The following BORCS5 variants were observed in gnomAD, a reference collection of about 807,000 sequenced individuals.
The protein encoded by BORCS5 is BLOC-1 related complex subunit 5.
Under a neutral mutation model 22.1 loss-of-function variants are expected in BORCS5, and 17 were observed. That is an observed-to-expected ratio of 0.77 (90% CI 0.53 to 1.15). The LOEUF is 1.15. BORCS5 is among the 50% of genes most tolerant of loss of function. The pLI is 0.00. For synonymous variants in BORCS5, 117 were observed against 99.8 expected (o/e 1.17, Z -1.03); for missense variants, 247 against 253.2 (o/e 0.98, Z 0.17).
intron 3 of BORCS5, among the ~76,000 whole-genome samples, chr12:12,438,151 T>G (rs538426989): frequency 2.6e-5 from 4 of 151,870 alleles, no homozygotes; most frequent in Non-Finnish European, 5.9e-5. Flanking sequence ...AAAAAGTCCT[T>G]TAAGTTCAAG....
chr12:12,452,666 T>C (rs1942933393), intron 3 of BORCS5, among the ~76,000 whole-genome samples: 2 of 152,210 alleles, frequency 1.3e-5, no homozygotes, highest in Admixed American at 6.5e-5. Flanking sequence ...CTTCAAAGTG[T>C]CCAGAATGTG....
intron 2 of BORCS5, among the ~76,000 whole-genome samples, chr12:12,405,286 G>T (rs1266413649): frequency 3.9e-5 from 6 of 152,160 alleles, no homozygotes; most frequent in Non-Finnish European, 1.5e-5. Flanking sequence ...GAATTAAGAG[G>T]AAAATGATAT....
chr12:12,460,807 A>G (rs1001833239), intron 3 of BORCS5, among the ~76,000 whole-genome samples: 4 of 152,238 alleles, frequency 2.6e-5, no homozygotes, highest in African/African-American at 9.6e-5. Context: ...AGATGTCGAA[A>G]AAGTGTGTCT....
At chr12:12,368,238 C>T (rs1592056278) in intron 2 of BORCS5, among the ~76,000 whole-genome samples, 1 of 151,438 alleles carries the variant, frequency 6.6e-6, no homozygotes, top group South Asian at 2.1e-4. Flanking sequence ...AAACTCCCTT[C>T]CTTTAGTTTA....
intron 3 of BORCS5, among the ~76,000 whole-genome samples, chr12:12,453,849 C>T (rs1942955571): frequency 6.6e-6 from 1 of 152,134 alleles, no homozygotes; most frequent in South Asian, 2.1e-4. Flanking sequence ...CCTCTATTCC[C>T]CTATCCCCTG....
At chr12:12,430,801 C>T (rs1018742425) in intron 2 of BORCS5, among the ~76,000 whole-genome samples, 1 of 152,008 alleles carries the variant, frequency 6.6e-6, no homozygotes, top group South Asian at 2.1e-4. Flanking sequence ...TTACTTGCAC[C>T]CCAACCCCCA....
intron 2 of BORCS5, among the ~76,000 whole-genome samples, chr12:12,426,260 G>T (rs1027672885): frequency 3.3e-5 from 5 of 152,238 alleles, no homozygotes; most frequent in African/African-American, 1.2e-4. Flanking sequence ...AGGAGACAGA[G>T]AATCGTGCTA....
At chr12:12,451,665 C>T (rs1382591494) in intron 3 of BORCS5, among the ~76,000 whole-genome samples, 8 of 152,128 alleles carry the variant, frequency 5.3e-5, no homozygotes, top group Admixed American at 3.3e-4. Context: ...GGGCGGATCA[C>T]GAGGTCAAGA....
At chr12:12,444,095 A>G (rs1942737347) in intron 3 of BORCS5, among the ~76,000 whole-genome samples, 1 of 152,254 alleles carries the variant, frequency 6.6e-6, no homozygotes, top group African/African-American at 2.4e-5. Flanking sequence ...GCCTAGAACA[A>G]TGCCTGGCAT....
In BORCS5 at chr12:12,424,055, GC is replaced by G. The variant is rs537855989; in HGVS notation, c.203-11572del. ...CTGAATCCTGTTTTGAGTTTGTTGA[GC>G]TTCTTGGATGTTTGTATTCATCTCT... On this transcript the variant is annotated intron_variant, in intron 2 of 3. Transcript: ENST00000314565. Among the ~76,000 whole-genome samples, 9 of 152,196 alleles carry G rather than the reference GC, an allele frequency of 5.9e-5. No homozygotes were observed. In the South Asian group the frequency reaches 1.7e-3, roughly 28 times the overall value.
rs1158147416 is a variant in BORCS5 at position 12,414,553 on chromosome 12, C to T, written c.203-21075C>T. Among the ~76,000 whole-genome samples, 504 of 75,882 alleles carry T rather than the reference C, an allele frequency of 6.6e-3. 141 individuals carry two copies. The highest frequency in any genetic ancestry group is 0.043 in the African/African-American group (462 of 10,708). 49.8% of individuals were successfully genotyped at this position (75,882 alleles called of 152,430 possible). A position where few individuals can be genotyped will look rare whatever the true frequency, so the allele number is the denominator to read the frequency against. ...CTCCCAGACTGGGCGGCTGGCCGGG[C>T]GGGGGGCTGACCCCCCCACCTCCCT... On this transcript the variant is annotated intron_variant, in intron 2 of 3. Transcript: ENST00000314565.
chr12:12,408,543 A>G (rs1941643779), intron 2 of BORCS5, among the ~76,000 whole-genome samples: 1 of 152,194 alleles, frequency 6.6e-6, no homozygotes, highest in Non-Finnish European at 1.5e-5. Context: ...TATCCGTTAA[A>G]CAGCAACTTC....
At chr12:12,358,937 C>T (rs11054844) in intron 1 of BORCS5, among the ~76,000 whole-genome samples, 490 of 152,266 alleles carry the variant, frequency 3.2e-3, no homozygotes, top group South Asian at 0.01. Context: ...CCTCCGGAGA[C>T]GAGCTTCTAG....
chr12:12,380,075 C>G (rs1863743510), intron 2 of BORCS5, among the ~76,000 whole-genome samples: 1 of 151,208 alleles, frequency 6.6e-6, no homozygotes, highest in Non-Finnish European at 1.5e-5. Context: ...GTCCGTGAAG[C>G]AGTCAGAGCA....
intron 2 of BORCS5, among the ~76,000 whole-genome samples, chr12:12,374,166 T>C (rs1863593807): frequency 6.6e-6 from 1 of 151,164 alleles, no homozygotes; most frequent in African/African-American, 2.4e-5. Flanking sequence ...TTTTTTTTTG[T>C]ATTTTTAGTA....
At chr12:12,457,345 A>G (rs1001095057) in intron 3 of BORCS5, among the ~76,000 whole-genome samples, 1 of 152,230 alleles carries the variant, frequency 6.6e-6, no homozygotes, top group Non-Finnish European at 1.5e-5. Context: ...GTCGTTATCC[A>G]TAAGCGATGT....
At chr12:12,410,252 T>C (rs4288847) in intron 2 of BORCS5, among the ~76,000 whole-genome samples, 40,940 of 151,516 alleles carry the variant, frequency 0.27, 6,333 homozygotes, top group Non-Finnish European at 0.35. Flanking sequence ...TTGTCAATTT[T>C]GGCTTTTGTT....
intron 2 of BORCS5, among the ~76,000 whole-genome samples, chr12:12,422,647 A>G (rs1040983951): frequency 6.6e-6 from 1 of 152,106 alleles, no homozygotes; most frequent in Non-Finnish European, 1.5e-5. Context: ...CTCCAGAGGC[A>G]GAGCAGTGAC....
chr12:12,461,377 G>A (rs146600022), intron 3 of BORCS5, among the ~76,000 whole-genome samples: 1 of 151,920 alleles, frequency 6.6e-6, no homozygotes, highest in East Asian at 1.9e-4. Context: ...TCAGTGTGTC[G>A]TCGTGGCTGC....
Sources: allele counts gnomAD v4.1 joint callset (sites outside exome capture counted in the v4.1 genomes callset), GRCh38; gene constraint gnomAD v4.1.1; transcripts MANE v1.5; gene names NCBI Gene and HGNC (gene_info 2026-07-23, HGNC 2026-07-21).